The following EXOC4 variants were observed in gnomAD, a reference collection of about 807,000 sequenced individuals.
The protein encoded by EXOC4 is exocyst complex component 4.
Under a neutral mutation model 107.2 loss-of-function variants are expected in EXOC4, and 71 were observed. The observed-to-expected ratio is 0.66, with a 90% CI of 0.55 to 0.81. EXOC4 has a LOEUF of 0.81. EXOC4 is among the 30% of genes least tolerant of loss of function. The pLI is 0.00. For synonymous variants in EXOC4, 456 were observed against 441.2 expected (o/e 1.03, Z -0.42); for missense variants, 1,108 against 1,189.6 (o/e 0.93, Z 1.01).
intron 11 of EXOC4, among the ~76,000 whole-genome samples, chr7:133,883,520 G>T (rs1799011977): frequency 6.6e-6 from 1 of 151,480 alleles, no homozygotes; most frequent in South Asian, 2.1e-4. Context: ...GCCTCTGCCT[G>T]TAGTCTCAGC....
intron 12 of EXOC4, 73 bp downstream of exon 12, chr7:133,895,808 C>T (rs2116520047): frequency 6.7e-7 from 1 of 1,498,824 alleles, no homozygotes; most frequent in Admixed American, 1.8e-5. Context: ...GAAATTGCTT[C>T]AATAGCCTAA....
chr7:134,069,029 A>G (rs1796228755), downstream of EXOC4, among the ~76,000 whole-genome samples: 1 of 152,018 alleles, frequency 6.6e-6, no homozygotes, highest in Non-Finnish European at 1.5e-5. Flanking sequence ...TACCCTTCCC[A>G]GAGTCCATAT....
rs573410691 is a variant in EXOC4, at chr7:133,978,361, C to G, written c.2207-19131C>G. 2.6e-5 allele frequency among the ~76,000 whole-genome samples: 4 copies of G among 152,278 alleles called. No individual in the cohort carries two copies. The South Asian group carries it at 6.2e-4, about 24-fold the overall frequency. On this transcript the variant is annotated intron_variant, in intron 14 of 17. Coordinates refer to ENST00000253861, the MANE Select transcript of EXOC4 (RefSeq NM_021807.4). Reference sequence around the variant, plus strand: ...CTCTGCAGGGCACTTTCCAAAAATCCTTGCCTTAGAGGTTGCAGCATTGCA... The same window carrying G: ...CTCTGCAGGGCACTTTCCAAAAATCGTTGCCTTAGAGGTTGCAGCATTGCA...
chr7:133,853,627 A>AG (rs1294314996), intron 11 of EXOC4, among the ~76,000 whole-genome samples: 1 of 152,118 alleles, frequency 6.6e-6, no homozygotes. Flanking sequence ...CTAATATCTA[A>AG]GTAGCTTAGG....
At chr7:133,626,773 C>T (rs969324870) in intron 9 of EXOC4, among the ~76,000 whole-genome samples, 6 of 152,030 alleles carry the variant, frequency 3.9e-5, no homozygotes, top group Non-Finnish European at 7.4e-5. Context: ...GTGACTCTGA[C>T]GTTTTATTTT....
chr7:133,586,509 G>C lies in EXOC4; in HGVS notation c.1418-43536G>C, dbSNP rs181615404. Among the ~76,000 whole-genome samples, 345 of 152,198 alleles carry C rather than the reference G, an allele frequency of 2.3e-3. 7 individuals carry two copies. The highest frequency in any genetic ancestry group is 0.021 in the Admixed American group (326 of 15,284). On this transcript the variant is annotated intron_variant, in intron 9 of 17. Transcript: ENST00000253861. ...ATATGTACCACATCTTCTTTATCCA[G>C]TCTACCATTGATGGACATTTAGGTT...
chr7:133,436,640 A>G lies in EXOC4; in HGVS notation c.1183-38688A>G, dbSNP rs139852764. The stretch of plus-strand genomic sequence containing the variant: ...AATAAGACAGACCTATGAAATAATC[A>G]GCCTCTTTAAGTATCATCACATACC... On this transcript the variant is annotated intron_variant, in intron 7 of 17. Coordinates refer to ENST00000253861, the MANE Select transcript of EXOC4 (RefSeq NM_021807.4). Among the ~76,000 whole-genome samples, 23 of 152,308 alleles carry G rather than the reference A, an allele frequency of 1.5e-4. No homozygotes were observed. In the East Asian group the frequency reaches 4.2e-3, roughly 28 times the overall value.
At chr7:134,014,974 A>C (rs1340336339) in intron 17 of EXOC4, among the ~76,000 whole-genome samples, 1 of 152,166 alleles carries the variant, frequency 6.6e-6, no homozygotes, top group African/African-American at 2.4e-5. Flanking sequence ...GAATTTTTGG[A>C]GAAGGAGGTG....
At chr7:133,553,825 G>C (rs931927569) in intron 9 of EXOC4, among the ~76,000 whole-genome samples, 4 of 152,102 alleles carry the variant, frequency 2.6e-5, no homozygotes, top group Admixed American at 6.6e-5. Flanking sequence ...ATTTAAAATT[G>C]TGGTAAGTTT....
chr7:133,535,976 T>G (rs1490758038), intron 9 of EXOC4, among the ~76,000 whole-genome samples: 2 of 152,210 alleles, frequency 1.3e-5, no homozygotes, highest in African/African-American at 4.8e-5. Flanking sequence ...GTTTTAAAAC[T>G]TTGCTTCTAT....
chr7:133,787,961 ATT>A (rs1423284178), intron 10 of EXOC4, among the ~76,000 whole-genome samples: 1,495 of 14,340 alleles, frequency 0.1, 242 homozygotes, highest in East Asian at 0.24. Flanking sequence ...ATATTTATAT[ATT>A]TATATATATA....
chr7:134,070,905 A>C (rs1044363566), downstream of EXOC4, among the ~76,000 whole-genome samples: 1 of 152,206 alleles, frequency 6.6e-6, no homozygotes, highest in Non-Finnish European at 1.5e-5. Flanking sequence ...CAGGAACCTG[A>C]TTCCAAACAG....
At chr7:133,362,296 A>G (rs959892655) in intron 6 of EXOC4, among the ~76,000 whole-genome samples, 3 of 152,148 alleles carry the variant, frequency 2.0e-5, no homozygotes, top group African/African-American at 7.2e-5. Context: ...TGACCAAACG[A>G]CTTTTGAGCA....
chr7:133,630,003 G>GT (rs1802551241), intron 9 of EXOC4, 42 bp from the exon 10 acceptor site: 2 of 1,444,672 alleles, frequency 1.4e-6, no homozygotes, highest in Non-Finnish European at 1.9e-6. Context: ...ATTTATAAAA[G>GT]TTTCAATGAG....
chr7:133,637,587 G>A (rs1280512056), intron 10 of EXOC4, among the ~76,000 whole-genome samples: 1 of 115,354 alleles, frequency 8.7e-6, no homozygotes, highest in East Asian at 3.3e-4. Flanking sequence ...TAGACACCTT[G>A]TTGCATTTTT....
chr7:133,395,302 T>A (rs1796946454), intron 7 of EXOC4, among the ~76,000 whole-genome samples: 2 of 152,138 alleles, frequency 1.3e-5, no homozygotes, highest in Admixed American at 6.5e-5. Context: ...TTCCAATATG[T>A]GTGAAGAGCT....
intron 1 of EXOC4, among the ~76,000 whole-genome samples, chr7:133,256,342 T>C (rs1247157355): frequency 6.6e-6 from 1 of 152,216 alleles, no homozygotes; most frequent in African/African-American, 2.4e-5. Flanking sequence ...ATCTTTAACG[T>C]TGTTTTCAAA....
At chr7:134,036,498 G>C (rs1472887570) in intron 17 of EXOC4, among the ~76,000 whole-genome samples, 2 of 152,166 alleles carry the variant, frequency 1.3e-5, no homozygotes, top group Non-Finnish European at 2.9e-5. Flanking sequence ...TGAGGTGGGA[G>C]GATCCCTTGA....
At chr7:134,024,626 A>G (rs899264569) in intron 17 of EXOC4, among the ~76,000 whole-genome samples, 12 of 152,152 alleles carry the variant, frequency 7.9e-5, no homozygotes, top group Admixed American at 2.0e-4. Flanking sequence ...TCTAAAATCT[A>G]TGTTTAAGGA....
Sources: gnomAD v4.1 joint callset for allele counts (sites outside exome capture counted in the v4.1 genomes callset) on GRCh38, gnomAD v4.1.1 for gene constraint, MANE v1.5 for transcripts, NCBI Gene and HGNC (gene_info 2026-07-23, HGNC 2026-07-21) for gene names.